TTLL8: variants seen among roughly 807,000 people sequenced by gnomAD.
TTLL8 encodes tubulin tyrosine ligase like 8.
Under a neutral mutation model 77.8 loss-of-function variants are expected in TTLL8, and 65 were observed. The observed-to-expected ratio is 0.84, with a 90% CI of 0.68 to 1.03. TTLL8 has a LOEUF of 1.03. TTLL8 is among the 50% of genes least tolerant of loss of function. The probability of loss-of-function intolerance (pLI) is 0.00; values close to 1 mark genes in which losing one functional copy is unlikely to be tolerated. For synonymous variants in TTLL8, 402 were observed against 422.8 expected (o/e 0.95, Z 0.60); for missense variants, 910 against 1,004.5 (o/e 0.91, Z 1.27).
chr22:50,037,927 TG>T (rs1268006313), intron 8 of TTLL8, among the ~76,000 whole-genome samples: 1 of 152,206 alleles, frequency 6.6e-6, no homozygotes, highest in African/African-American at 2.4e-5. Flanking sequence ...GGATTCTGGC[TG>T]GGATTACATT....
intron 11 of TTLL8, 105 bp downstream of exon 12, chr22:50,031,581 C>T: frequency 1.7e-6 from 2 of 1,196,176 alleles, no homozygotes; most frequent in African/African-American, 1.6e-5. Context: ...TCCATAGACC[C>T]CGCTGCACTG....
At chr22:50,032,099 G>A (rs1238495253) in exon 11 of TTLL8, 5 of 1,360,438 alleles carry the variant, frequency 3.7e-6, no homozygotes, top group Non-Finnish European at 4.9e-6. Flanking sequence ...TTGTTGCACA[G>A]GTGGATGGCG....
At chr22:50,026,406 G>A (rs192563570) in intron 12 of TTLL8, among the ~76,000 whole-genome samples, 1,919 of 114,236 alleles carry the variant, frequency 0.017, 99 homozygotes, top group Non-Finnish European at 0.029. Context: ...ATTCTGCACC[G>A]CCGCCACCTC....
chr22:50,018,719 C>A (rs1475776826), intron 12 of TTLL8, among the ~76,000 whole-genome samples: 1 of 152,220 alleles, frequency 6.6e-6, no homozygotes, highest in African/African-American at 2.4e-5. Flanking sequence ...GGTGGAAAGA[C>A]GTATTCAATG....
upstream of TTLL8, among the ~76,000 whole-genome samples, chr22:50,054,950 C>T (rs2061463071): frequency 6.6e-6 from 1 of 152,130 alleles, no homozygotes; most frequent in Non-Finnish European, 1.5e-5. Flanking sequence ...GTCCCAGCTA[C>T]TCGGGAGGCT....
intron 5 of TTLL8, 40 bp from the exon 8 acceptor site, chr22:50,045,429 A>G (rs776557460): frequency 3.7e-6 from 5 of 1,356,312 alleles, no homozygotes; most frequent in Non-Finnish European, 4.9e-6. Flanking sequence ...TGTCCGAGCC[A>G]GGACTGGGGA....
chr22:50,024,051 C>G (rs1460317668), intron 12 of TTLL8, among the ~76,000 whole-genome samples: 1 of 152,166 alleles, frequency 6.6e-6, no homozygotes, highest in Non-Finnish European at 1.5e-5. Context: ...ATAACAACAA[C>G]AAAACCATTC....
intron 2 of TTLL8, among the ~76,000 whole-genome samples, chr22:50,049,660 G>A (rs546369979): frequency 1.3e-5 from 2 of 152,286 alleles, no homozygotes; most frequent in African/African-American, 4.8e-5. Context: ...GAGGCTGAGG[G>A]GCCACAGGCA....
intron 12 of TTLL8, among the ~76,000 whole-genome samples, chr22:50,023,796 A>G (rs2146627004): frequency 6.6e-6 from 1 of 152,148 alleles, no homozygotes; most frequent in South Asian, 2.1e-4. Flanking sequence ...CGAGGTGGGC[A>G]GATCACGAGG....
intron 12 of TTLL8, among the ~76,000 whole-genome samples, chr22:50,027,213 G>C (rs1234183696): frequency 6.9e-6 from 1 of 145,302 alleles, no homozygotes; most frequent in Non-Finnish European, 1.5e-5. Context: ...TCCAGCCTGG[G>C]AGACAGAACG....
At chr22:50,058,014 G>C (rs2061494769), upstream of TTLL8, among the ~76,000 whole-genome samples, 1 of 151,848 alleles carries the variant, frequency 6.6e-6, no homozygotes, top group South Asian at 2.1e-4. This position sits in a 1 kb window ranked among gnomAD's most constrained non-coding sequence, Gnocchi z 4.2. Context: ...TTGGAGGCCC[G>C]GGGCGGGGAG....
chr22:50,031,476 C>G, intron 11 of TTLL8: 1 of 914,748 alleles, frequency 1.1e-6, no homozygotes, highest in African/African-American at 1.8e-5. Flanking sequence ...TAGCCCCTTC[C>G]TCGGTGCCGA....
At chr22:50,039,786 A>G (rs1167085302) in intron 8 of TTLL8, among the ~76,000 whole-genome samples, 1 of 151,378 alleles carries the variant, frequency 6.6e-6, no homozygotes, top group Non-Finnish European at 1.5e-5. Flanking sequence ...GCCAGTGTGG[A>G]TGGATCTCAC....
upstream of TTLL8, among the ~76,000 whole-genome samples, chr22:50,057,696 C>T (rs868051868): frequency 0.041 from 798 of 19,642 alleles, 74 homozygotes; most frequent in African/African-American, 0.16. Flanking sequence ...AGGTCTGGGT[C>T]GGGGTCAGGT....
At chr22:50,042,420 C>A (rs1360611192) in intron 6 of TTLL8, among the ~76,000 whole-genome samples, 3 of 152,284 alleles carry the variant, frequency 2.0e-5, no homozygotes, top group Non-Finnish European at 4.4e-5. Context: ...AAGTGATTCT[C>A]CTGCCTCAGC....
At chr22:50,048,851 G>A (rs2061427929) in intron 3 of TTLL8, among the ~76,000 whole-genome samples, 1 of 152,238 alleles carries the variant, frequency 6.6e-6, no homozygotes, top group African/African-American at 2.4e-5. Context: ...GGCTGGGGAG[G>A]TGGGGAGGCA....
chr22:50,032,229 A>G (rs1486483302), intron 10 of TTLL8, 120 bp from the exon 12 acceptor site: 10 of 1,070,166 alleles, frequency 9.3e-6, no homozygotes, highest in African/African-American at 1.7e-5. Flanking sequence ...GCCCCTGAGG[A>G]CTCCAACCCT....
chr22:50,030,483 A>G lies in TTLL8; in HGVS notation c.2150T>C (p.Leu717Pro), dbSNP rs372129183. 3,110 of 1,344,916 alleles carry G rather than the reference A, an allele frequency of 2.3e-3. 10 individuals are homozygous for G. Among genetic ancestry groups the G allele is most frequent in the Non-Finnish European group, 2.4e-3 (2,455 of 1,014,466 alleles). The allele number at this position is 1,344,916 out of a possible 1,614,324, so 83.3% of individuals were successfully genotyped here. ...GCCCTCTGCTGTCTTCAGGCCCCGC[A>G]GCACAGGCTCCAGCGGGTGCGCATT... The change falls in exon 12 of 14, where the codon CTG becomes CCG. Residue 717 changes from leucine to proline, a missense_variant. Transcript: ENST00000266182.
chr22:50,037,586 A>G (rs914147472), intron 8 of TTLL8, among the ~76,000 whole-genome samples: 4 of 150,944 alleles, frequency 2.6e-5, no homozygotes, highest in Non-Finnish European at 5.9e-5. Flanking sequence ...TTCAAGGTAC[A>G]TTTTTTTTTC....
Sources: gnomAD v4.1 joint callset for allele counts (sites outside exome capture counted in the v4.1 genomes callset) on GRCh38, gnomAD v4.1.1 for gene constraint, Gnocchi (gnomAD v3.1) non-coding constraint, MANE v1.5 for transcripts, NCBI Gene and HGNC (gene_info 2026-07-23, HGNC 2026-07-21) for gene names.